OSBPL6: variants seen among roughly 807,000 people sequenced by gnomAD.
OSBPL6 encodes oxysterol binding protein like 6, also known as oxysterol-binding protein-related protein 6.
A neutral mutation model predicts 125.8 loss-of-function variants in OSBPL6; 49 were observed. The observed-to-expected ratio is 0.39, with a 90% CI of 0.31 to 0.49. OSBPL6 has a LOEUF of 0.49. Ranked by LOEUF, OSBPL6 falls within the 20% of genes least tolerant of loss-of-function variation. OSBPL6 has a pLI of 0.88. For synonymous variants in OSBPL6, 394 were observed against 391.8 expected (o/e 1.01, Z -0.07); for missense variants, 986 against 1,135.4 (o/e 0.87, Z 1.89).
chr2:178,346,321 G>A (rs1574930667), intron 11 of OSBPL6, among the ~76,000 whole-genome samples: 2 of 152,192 alleles, frequency 1.3e-5, no homozygotes, highest in South Asian at 4.1e-4. Flanking sequence ...AGCAACAGCA[G>A]GAGACTTTTC....
At chr2:178,213,901 C>T (rs1218365522) in intron 1 of OSBPL6, among the ~76,000 whole-genome samples, 1 of 152,210 alleles carries the variant, frequency 6.6e-6, no homozygotes, top group Non-Finnish European at 1.5e-5. Context: ...TTGCCCTTCT[C>T]ATCTTCAGTG....
chr2:178,262,224 T>A (rs2092087481), intron 1 of OSBPL6, among the ~76,000 whole-genome samples: 1 of 152,174 alleles, frequency 6.6e-6, no homozygotes, highest in Admixed American at 6.5e-5. Flanking sequence ...TTTGCTTTGC[T>A]AAAAAATCTC....
At chr2:178,381,714 G>A (rs1694496162) in intron 15 of OSBPL6, among the ~76,000 whole-genome samples, 1 of 152,164 alleles carries the variant, frequency 6.6e-6, no homozygotes, top group South Asian at 2.1e-4. Context: ...TCCCTAGGGA[G>A]AGCTGCCAAA....
rs1484844523 is a variant in OSBPL6 at position 178,383,130 on chromosome 2, G to A, written c.1728G>A (p.Arg576=). The change falls in exon 17 of 25, where the codon AGG becomes AGA. Residue 576 remains arginine, a synonymous_variant. Transcript: ENST00000190611. The stretch of plus-strand genomic sequence containing the variant: ...ACATTAACCTGTGGAATATCTTGAG[G>A]AACAACATTGGTAAAGACCTGTCTA... The part of the protein sequence containing the change: ...TSNINLWNIL[R]NNIGKDLSKV... 1.2e-6 allele frequency: 2 copies of A among 1,614,012 alleles called. No individual in the cohort carries two copies. The highest frequency in any genetic ancestry group is 1.7e-6 in the Non-Finnish European group (2 of 1,180,048).
intron 1 of OSBPL6, among the ~76,000 whole-genome samples, chr2:178,208,161 T>C (rs1380464259): frequency 6.6e-6 from 1 of 151,782 alleles, no homozygotes; most frequent in African/African-American, 2.4e-5. Flanking sequence ...GGCACGTGCC[T>C]ATAGTTCCAG....
At chr2:178,237,348 T>TTTGTA (rs2091095641) in intron 1 of OSBPL6, among the ~76,000 whole-genome samples, 1 of 151,646 alleles carries the variant, frequency 6.6e-6, no homozygotes, top group Non-Finnish European at 1.5e-5. Context: ...AATTTGTTTT[T>TTTGTA]TTGTTTTGTT....
intron 1 of OSBPL6, among the ~76,000 whole-genome samples, chr2:178,279,929 G>T (rs1165874108): frequency 1.3e-5 from 2 of 152,164 alleles, no homozygotes; most frequent in Non-Finnish European, 2.9e-5. Context: ...GACAGGTGCG[G>T]TGGCTCACAC....
rs1041590810 is a variant in OSBPL6, at chr2:178,401,618, G to A, written c.*6059G>A. On this transcript the variant is annotated 3_prime_UTR_variant, in exon 25 of 25. Coordinates refer to ENST00000190611, the MANE Select transcript of OSBPL6 (RefSeq NM_032523.4). ...AATGAATACAAGAGAAATGGAATCT[G>A]GGGAAAAAAGTAGGTTCTCTAACTG... 11 of 151,724 alleles carry A rather than the reference G, an allele frequency of 7.3e-5. No homozygotes were observed. Among genetic ancestry groups the A allele is most frequent in the African/African-American group, 2.7e-4 (11 of 41,386 alleles). The allele number at this position is 151,724 out of a possible 1,614,324, so 9.4% of individuals were successfully genotyped here.
At chr2:178,275,275 G>T (rs1402942067) in intron 1 of OSBPL6, among the ~76,000 whole-genome samples, 2 of 152,204 alleles carry the variant, frequency 1.3e-5, no homozygotes, top group Non-Finnish European at 2.9e-5. Context: ...ACTTTGGGAG[G>T]CTGAGGCGGG....
intron 1 of OSBPL6, among the ~76,000 whole-genome samples, chr2:178,264,270 A>G (rs1328154219): frequency 6.6e-6 from 1 of 152,206 alleles, no homozygotes; most frequent in East Asian, 1.9e-4. Context: ...TCATTATCAC[A>G]CTAACACTGG....
At chr2:178,374,926 T>A (rs1030034876) in intron 15 of OSBPL6, among the ~76,000 whole-genome samples, 1 of 152,098 alleles carries the variant, frequency 6.6e-6, no homozygotes, top group Admixed American at 6.6e-5. Flanking sequence ...GGGAGAAAAG[T>A]AAAATAGAAT....
rs562928798 is a variant in OSBPL6, at chr2:178,392,677, G to A, written c.2573+139G>A. The A allele has an allele frequency of 1.9e-5, 21 of 1,131,554 alleles. No homozygotes were observed. The African/African-American group carries it at 3.0e-4, about 16-fold the overall frequency. 70.1% of individuals were successfully genotyped at this position (1,131,554 alleles called of 1,614,324 possible). ...TCAAGACCAGCCTGGACAATATAGT[G>A]AGACTCTATATCTCTAAAAAAAAAG... On this transcript the variant is annotated intron_variant, in intron 23 of 24. Transcript: ENST00000190611.
chr2:178,330,666 A>G (rs1210256596), intron 5 of OSBPL6, among the ~76,000 whole-genome samples: 1 of 152,214 alleles, frequency 6.6e-6, no homozygotes, highest in Non-Finnish European at 1.5e-5. Context: ...ACTGCCTGCC[A>G]TCTTAGCAGC....
intron 3 of OSBPL6, among the ~76,000 whole-genome samples, chr2:178,323,059 T>G (rs4133879): frequency 0.6 from 91,538 of 151,890 alleles, 28,043 homozygotes; most frequent in East Asian, 0.76. Flanking sequence ...GATAGTGAAG[T>G]ATTCTTAATG....
chr2:178,284,975 A>G lies in OSBPL6; in HGVS notation c.-302A>G. On this transcript the variant is annotated 5_prime_UTR_variant, in exon 2 of 25. Coordinates refer to ENST00000190611, the MANE Select transcript of OSBPL6 (RefSeq NM_032523.4). ...AGCAACAGAAGGATATTAAGGAGCC[A>G]CCCCTATAATTTACCCAGATAGCCC... 1 of 398,488 alleles carries G rather than the reference A, an allele frequency of 2.5e-6. No homozygotes were observed. Among genetic ancestry groups the G allele is most frequent in the Non-Finnish European group, 4.4e-6 (1 of 225,962 alleles). The allele number at this position is 398,488 out of a possible 1,614,324, so 24.7% of individuals were successfully genotyped here. A position where few individuals can be genotyped will look rare whatever the true frequency, so the allele number is the denominator to read the frequency against.
At chr2:178,330,413 A>G (rs1689097315) in intron 5 of OSBPL6, among the ~76,000 whole-genome samples, 1 of 152,172 alleles carries the variant, frequency 6.6e-6, no homozygotes, top group Non-Finnish European at 1.5e-5. Flanking sequence ...TGATCTCTAC[A>G]ACCACCATGT....
intron 13 of OSBPL6, among the ~76,000 whole-genome samples, chr2:178,364,590 C>A (rs1483623294): frequency 1.3e-5 from 2 of 152,072 alleles, no homozygotes; most frequent in Non-Finnish European, 2.9e-5. Context: ...TCGAGACAGT[C>A]CAGGGTTTTT....
At chr2:178,346,781 G>C (rs1477572737) in intron 11 of OSBPL6, among the ~76,000 whole-genome samples, 1 of 152,130 alleles carries the variant, frequency 6.6e-6, no homozygotes. Flanking sequence ...TATTCAATTA[G>C]GGTTAGATTA....
chr2:178,350,173 T>A (rs1437433182), intron 12 of OSBPL6, among the ~76,000 whole-genome samples: 2 of 152,192 alleles, frequency 1.3e-5, no homozygotes, highest in African/African-American at 4.8e-5. Context: ...GTTGTATAAA[T>A]TAAATTGTTA....
Sources: gnomAD v4.1 joint callset for allele counts (sites outside exome capture counted in the v4.1 genomes callset) on GRCh38, gnomAD v4.1.1 for gene constraint, MANE v1.5 for transcripts, NCBI Gene and HGNC (gene_info 2026-07-23, HGNC 2026-07-21) for gene names.